SSPN: variants seen among roughly 807,000 people sequenced by gnomAD.
The protein encoded by SSPN is sarcospan.
In SSPN, 15 loss-of-function variants were observed where a neutral mutation model predicts 19.1. That is an observed-to-expected ratio of 0.78 (90% CI 0.52 to 1.21). SSPN has a LOEUF of 1.21. Ranked by LOEUF, SSPN falls within the 50% of genes most tolerant of loss-of-function variation. The pLI, the probability that SSPN is intolerant of heterozygous loss-of-function variation, is 0.00. For synonymous variants in SSPN, 147 were observed against 140.3 expected (o/e 1.05, Z -0.34); for missense variants, 291 against 314.0 (o/e 0.93, Z 0.55).
rs753565505 is a variant in SSPN at position 26,122,813 on chromosome 12, G to T, written c.-31+661G>T. ...CGTAGCCGCTGTCGGTGTCCGTGTC[G>T]TTCTCGGCGGCGAGCTCGGCGCTGG... On this transcript the variant is annotated intron_variant, in intron 1 of 2. Coordinates refer to the SSPN transcript ENST00000538142. 3 of 1,590,070 alleles carry T rather than the reference G, an allele frequency of 1.9e-6. No homozygotes were observed. In the African/African-American group the frequency reaches 4.1e-5, roughly 21 times the overall value.
chr12:26,171,644 A>G (rs905403586), intron 1 of SSPN, among the ~76,000 whole-genome samples: 2 of 151,888 alleles, frequency 1.3e-5, no homozygotes, highest in Non-Finnish European at 2.9e-5. Context: ...TTGTCAAAGA[A>G]CTATAGTTAT....
At chr12:26,166,577 G>A (rs958207264) in intron 1 of SSPN, among the ~76,000 whole-genome samples, 29 of 152,306 alleles carry the variant, frequency 1.9e-4, no homozygotes, top group African/African-American at 5.8e-4. Context: ...TGGTTTTTAC[G>A]TTTTTAAATG....
chr12:26,195,838 C>G lies in SSPN; in HGVS notation c.166C>G (p.Leu56Val). 1.3e-6 allele frequency: 2 copies of G among 1,541,870 alleles called. No individual in the cohort carries two copies. Among genetic ancestry groups the G allele is most frequent in the South Asian group, 1.2e-5 (1 of 82,410 alleles). ...CTGCGGCTGCCGGTTCCCGCTGCTG[C>G]TCGCCCTGCTGCAGCTGGCCCTGGG... ...TCCGCRFPLL[L>V]ALLQLALGIA... Residue 56 changes from leucine (L) to valine (V), a missense_variant, in exon 1 of 3, where the codon CTC (leucine) becomes GTC (valine). Physicochemically the swap from Leu to Val is conservative, Grantham distance 32. This residue lies in a region of SSPN where 139 missense variants were observed against 119.6 expected (regional missense o/e 1.16). Transcript: ENST00000242729.
intron 1 of SSPN, among the ~76,000 whole-genome samples, chr12:26,205,527 A>G (rs1054257248): frequency 6.6e-6 from 1 of 152,194 alleles, no homozygotes; most frequent in Non-Finnish European, 1.5e-5. Context: ...GCTTAGCCCT[A>G]TCTCACATTT....
At position 26,230,931 on chromosome 12, in the gene SSPN, T is replaced by C. The variant is rs758133200; in HGVS notation, c.587T>C (p.Leu196Pro). ...SVTGTFKLFLLIQMILNLVCG... is the reference protein window; with the variant it reads ...SVTGTFKLFLPIQMILNLVCG... ...ACTGGCACTTTCAAACTGTTCTTAC[T>C]CATCCAGATGATTCTTAATTTGGTC... The change falls in exon 3 of 3, where the codon CTC becomes CCC. Residue 196 changes from leucine (L) to proline (P), a missense_variant. Leu to Pro is a moderately conservative substitution (Grantham distance 98). Around this residue, in one of 3 missense-constraint regions of SSPN, gnomAD observed 141 missense variants for 166.7 expected, o/e 0.85. Coordinates refer to ENST00000242729, the MANE Select transcript of SSPN (RefSeq NM_005086.5). 3 of 1,614,186 alleles carry C rather than the reference T, an allele frequency of 1.9e-6. No homozygotes were observed. Among genetic ancestry groups the C allele is most frequent in the Middle Eastern group, 1.6e-4 (1 of 6,062 alleles).
intron 1 of SSPN, among the ~76,000 whole-genome samples, chr12:26,143,989 G>T (rs1944475339): frequency 6.6e-6 from 1 of 152,178 alleles, no homozygotes; most frequent in Non-Finnish European, 1.5e-5. Flanking sequence ...CCATCCAGTT[G>T]CAGGAAAACA....
intron 1 of SSPN, among the ~76,000 whole-genome samples, chr12:26,129,262 A>G (rs937400755): frequency 6.6e-6 from 1 of 152,230 alleles, no homozygotes; most frequent in African/African-American, 2.4e-5. Flanking sequence ...GCGGACAAGA[A>G]TCTGCAGACG....
intron 1 of SSPN, among the ~76,000 whole-genome samples, chr12:26,131,002 T>G (rs1944394555): frequency 6.6e-6 from 1 of 152,096 alleles, no homozygotes; most frequent in African/African-American, 2.4e-5. Flanking sequence ...ATAGGGGTTC[T>G]TTTAGTAAAG....
chr12:26,155,633 A>C (rs1298837969), intron 1 of SSPN, among the ~76,000 whole-genome samples: 1 of 152,244 alleles, frequency 6.6e-6, no homozygotes, highest in Non-Finnish European at 1.5e-5. Flanking sequence ...TTAATCTGAA[A>C]GAGGAAATTT....
intron 1 of SSPN, among the ~76,000 whole-genome samples, chr12:26,185,521 A>AC (rs1357290255): frequency 6.6e-6 from 1 of 151,500 alleles, no homozygotes; most frequent in African/African-American, 2.4e-5. Context: ...TTATACCTCT[A>AC]CCCCCCTGGG....
In SSPN at chr12:26,200,298, G is replaced by C. The variant is rs118133422; in HGVS notation, c.279+4347G>C. Among the ~76,000 whole-genome samples the C allele has an allele frequency of 1.2e-4, 18 of 152,244 alleles. No individual in the cohort carries two copies. In the East Asian group the frequency reaches 3.3e-3, roughly 28 times the overall value. Reference sequence around the variant, plus strand: ...ATGTCATTTGTAAAACTCATCACATGAATCTGTAATGATTAAAAGTCATGT... The same window carrying C: ...ATGTCATTTGTAAAACTCATCACATCAATCTGTAATGATTAAAAGTCATGT... On this transcript the variant is annotated intron_variant, in intron 1 of 2. Coordinates refer to ENST00000242729, the MANE Select transcript of SSPN (RefSeq NM_005086.5).
intron 1 of SSPN, chr12:26,123,217 A>T: frequency 1.3e-6 from 2 of 1,526,696 alleles, no homozygotes; most frequent in South Asian, 2.6e-5. Context: ...TGGAGGCAAG[A>T]AGAAACATAC....
At position 26,195,923 on chromosome 12, in the gene SSPN, G is replaced by A. The variant is rs1944825277; in HGVS notation, c.251G>A (p.Arg84Lys). 1 of 1,553,596 alleles carries A rather than the reference G, an allele frequency of 6.4e-7. No homozygotes were observed. Among genetic ancestry groups the A allele is most frequent in the Non-Finnish European group, 8.7e-7 (1 of 1,153,394 alleles). The change falls in exon 1 of 3, where the codon AGG becomes AAG. Residue 84 changes from arginine (R) to lysine (K), a missense_variant. By Grantham distance (26) the Arg-to-Lys change is conservative (BLOSUM62 2). Transcript: ENST00000242729. ...MASISSSLLV[R>K]DTPFWAGIIV... is the part of the protein sequence containing the mutation. ...AGCATCAGCTCCTCCCTGCTAGTCA[G>A]GGACACTCCATTTTGGGCTGGGATC...
At chr12:26,146,007 T>C (rs912653265) in intron 1 of SSPN, among the ~76,000 whole-genome samples, 3 of 152,216 alleles carry the variant, frequency 2.0e-5, no homozygotes, top group Admixed American at 1.3e-4. Context: ...TTAGCTGACA[T>C]TGACCTTTTG....
At chr12:26,122,396 C>G in intron 1 of SSPN, 1 of 1,271,112 alleles carries the variant, frequency 7.9e-7, no homozygotes, top group Non-Finnish European at 1.0e-6. Flanking sequence ...ACAGATACTT[C>G]TCCAGGCCGC....
intron 1 of SSPN, among the ~76,000 whole-genome samples, chr12:26,163,432 A>G (rs906254144): frequency 6.6e-6 from 1 of 152,194 alleles, no homozygotes; most frequent in African/African-American, 2.4e-5. Context: ...CTAACAGATT[A>G]CCTAAGATTG....
At chr12:26,169,780 T>G (rs1391253932) in intron 1 of SSPN, among the ~76,000 whole-genome samples, 1 of 152,126 alleles carries the variant, frequency 6.6e-6, no homozygotes, top group Non-Finnish European at 1.5e-5. Context: ...TCACCCCTCT[T>G]TCCTATGCAA....
chr12:26,156,853 AC>A (rs1944558767), intron 1 of SSPN, among the ~76,000 whole-genome samples: 1 of 152,078 alleles, frequency 6.6e-6, no homozygotes, highest in Admixed American at 6.5e-5. Flanking sequence ...TTTGTGTATC[AC>A]CCTTTTGCAT....
intron 1 of SSPN, among the ~76,000 whole-genome samples, chr12:26,213,726 C>G (rs1194366345): frequency 6.6e-6 from 1 of 151,990 alleles, no homozygotes; most frequent in African/African-American, 2.4e-5. Flanking sequence ...GAGAACATAT[C>G]ACTTTAAGGA....
Sources: allele counts gnomAD v4.1 joint callset (sites outside exome capture counted in the v4.1 genomes callset), GRCh38; gene constraint gnomAD v4.1.1; regional missense constraint gnomAD v4.1.1; transcripts MANE v1.5; gene names NCBI Gene and HGNC (gene_info 2026-07-23, HGNC 2026-07-21).